The following FAXC variants were observed in gnomAD, a reference collection of about 807,000 sequenced individuals.
FAXC encodes the protein failed axon connections homolog.
A neutral mutation model predicts 41.9 loss-of-function variants in FAXC; 10 were observed. The observed-to-expected ratio is 0.24, with a 90% CI of 0.15 to 0.41. The LOEUF is 0.41. Among genes scored for constraint, FAXC ranks in the 10% least tolerant of loss-of-function variants. The pLI, the probability that FAXC is intolerant of heterozygous loss-of-function variation, is 1.00. For missense variants in FAXC, 399 were observed against 510.9 expected (o/e 0.78, Z 2.11); for synonymous variants, 183 against 183.8 (o/e 1.00, Z 0.03).
chr6:99,314,820 C>T (rs1417220838), intron 4 of FAXC, among the ~76,000 whole-genome samples: 1 of 152,142 alleles, frequency 6.6e-6, no homozygotes, highest in Non-Finnish European at 1.5e-5. Flanking sequence ...CATCTCAGGC[C>T]GTTTACATAT....
intron 4 of FAXC, among the ~76,000 whole-genome samples, chr6:99,308,744 T>C (rs1403488512): frequency 6.6e-6 from 1 of 152,210 alleles, no homozygotes; most frequent in Non-Finnish European, 1.5e-5. Context: ...GTTTAGTGTT[T>C]GCTTTTAAAA....
chr6:99,338,074 G>A (rs1773279915), intron 2 of FAXC, among the ~76,000 whole-genome samples: 1 of 152,096 alleles, frequency 6.6e-6, no homozygotes, highest in Admixed American at 6.6e-5. Context: ...TAAGGGAATG[G>A]GAATCAAGGT....
At chr6:99,282,459 A>G (rs1423171960) in intron 5 of FAXC, among the ~76,000 whole-genome samples, 2 of 152,210 alleles carry the variant, frequency 1.3e-5, no homozygotes, top group Non-Finnish European at 2.9e-5. Flanking sequence ...TTAAATTTTT[A>G]CATGAAATTG....
At chr6:99,315,665 C>A (rs1213590557) in intron 4 of FAXC, among the ~76,000 whole-genome samples, 1 of 152,188 alleles carries the variant, frequency 6.6e-6, no homozygotes, top group Non-Finnish European at 1.5e-5. Context: ...ACTTGCACAG[C>A]CCATTACTAT....
intron 5 of FAXC, among the ~76,000 whole-genome samples, chr6:99,287,145 G>C (rs1378440197): frequency 2.0e-5 from 3 of 152,108 alleles, no homozygotes; most frequent in Admixed American, 2.0e-4. Flanking sequence ...TATAGCCATA[G>C]GATAGGATAT....
At chr6:99,342,583 A>G (rs111829741) in intron 2 of FAXC, among the ~76,000 whole-genome samples, 1,812 of 152,262 alleles carry the variant, frequency 0.012, 32 homozygotes, top group African/African-American at 0.041. Context: ...ACCTCAAGTG[A>G]TCCGCCTGCC....
intron 3 of FAXC, among the ~76,000 whole-genome samples, chr6:99,327,689 A>T (rs1237581519): frequency 6.6e-6 from 1 of 152,078 alleles, no homozygotes; most frequent in Non-Finnish European, 1.5e-5. Flanking sequence ...ATATCCATGG[A>T]TACTATGTGG....
chr6:99,295,970 T>G (rs1177439384), intron 4 of FAXC, among the ~76,000 whole-genome samples: 2 of 152,368 alleles, frequency 1.3e-5, no homozygotes, highest in East Asian at 3.9e-4. Context: ...TGAGTTTCAA[T>G]TTCTCTCATT....
intron 3 of FAXC, among the ~76,000 whole-genome samples, chr6:99,326,755 T>C (rs1772820317): frequency 2.0e-5 from 3 of 152,200 alleles, no homozygotes; most frequent in Admixed American, 2.0e-4. Context: ...GGCATCTTTC[T>C]CTGCGCTTCA....
chr6:99,332,564 C>T (rs896615999), intron 3 of FAXC, among the ~76,000 whole-genome samples: 1 of 152,116 alleles, frequency 6.6e-6, no homozygotes, highest in Non-Finnish European at 1.5e-5. Context: ...TCACATGGTA[C>T]CACCGCCAGC....
At chr6:99,336,826 ACT>A (rs1343985805) in intron 2 of FAXC, among the ~76,000 whole-genome samples, 1 of 152,014 alleles carries the variant, frequency 6.6e-6, no homozygotes, top group African/African-American at 2.4e-5. Flanking sequence ...AGAACTTGAG[ACT>A]CTAAGAGAGA....
chr6:99,341,366 TA>T (rs1228779763), intron 2 of FAXC, among the ~76,000 whole-genome samples: 1 of 151,652 alleles, frequency 6.6e-6, no homozygotes, highest in Non-Finnish European at 1.5e-5. Flanking sequence ...AAGAGAGAAA[TA>T]AATACAAAAA....
At chr6:99,325,943 T>C (rs528999174) in intron 3 of FAXC, among the ~76,000 whole-genome samples, 1 of 152,250 alleles carries the variant, frequency 6.6e-6, no homozygotes, top group South Asian at 2.1e-4. Flanking sequence ...GCATAACTGA[T>C]CGAGCTCACC....
At position 99,349,669 on chromosome 6, in the gene FAXC, A is replaced by G. The variant is rs1283899755; in HGVS notation, c.-297T>C. The stretch of plus-strand genomic sequence containing the variant: ...CCGCTCTTTGTGTCGGCGCCTGGAG[A>G]AGGCCGCGTGATGTCATTGCTCCCC... On this transcript the variant is annotated 5_prime_UTR_variant, in exon 1 of 6. Coordinates refer to ENST00000389677, the MANE Select transcript of FAXC (RefSeq NM_032511.4). The G allele has an allele frequency of 1.3e-5, 2 of 151,770 alleles. No homozygotes were observed. Among genetic ancestry groups the G allele is most frequent in the Non-Finnish European group, 2.9e-5 (2 of 68,030 alleles). 9.4% of individuals were successfully genotyped at this position (151,770 alleles called of 1,614,324 possible).
chr6:99,308,247 A>C (rs2128455760), intron 4 of FAXC, among the ~76,000 whole-genome samples: 1 of 152,380 alleles, frequency 6.6e-6, no homozygotes, highest in South Asian at 2.1e-4. Context: ...CAGTGAGCCA[A>C]GGTTGTGCCA....
rs1298779933 is a variant in FAXC, at chr6:99,276,470, A to G, written c.*4694T>C. On this transcript the variant is annotated 3_prime_UTR_variant, in exon 6 of 6. Transcript: ENST00000389677. ...GGTGGTTAAAAGATAAATGACAAGG[A>G]CAACAACAAAATCCTATGACTTTCA... 2.0e-5 allele frequency: 3 copies of G among 152,210 alleles called. No homozygotes were observed. The highest frequency in any genetic ancestry group is 2.0e-4 in the Admixed American group (3 of 15,280). The allele number at this position is 152,210 out of a possible 1,614,324, so 9.4% of individuals were successfully genotyped here.
chr6:99,289,169 T>TC (rs1480113386), intron 5 of FAXC, among the ~76,000 whole-genome samples: 2 of 152,098 alleles, frequency 1.3e-5, no homozygotes, highest in Non-Finnish European at 2.9e-5. Flanking sequence ...TCAACCCTCC[T>TC]CCCCAAACCT....
Position 99,280,344 on chromosome 6 carries a change from GC to G in FAXC, c.*819del, listed in dbSNP as rs1770779516. ...TTTGCAGGTGACTGTGGTGGTGGTT[GC>G]CTGGATATGGAATTCCTTTGCCCTC... On this transcript the variant is annotated 3_prime_UTR_variant, in exon 6 of 6. Transcript: ENST00000389677. 6.6e-6 allele frequency: 1 copy of G among 152,236 alleles called. No individual in the cohort carries two copies. Among genetic ancestry groups the G allele is most frequent in the African/African-American group, 2.4e-5 (1 of 41,448 alleles). The allele number at this position is 152,236 out of a possible 1,614,324, so 9.4% of individuals were successfully genotyped here. A position where few individuals can be genotyped will look rare whatever the true frequency, so the allele number is the denominator to read the frequency against.
intron 2 of FAXC, among the ~76,000 whole-genome samples, chr6:99,341,421 C>T (rs771953861): frequency 7.9e-5 from 12 of 151,782 alleles, no homozygotes; most frequent in Admixed American, 1.3e-4. Context: ...GAAAGATATC[C>T]TAAGCAAATA....
Sources: allele counts gnomAD v4.1 joint callset (sites outside exome capture counted in the v4.1 genomes callset), GRCh38; gene constraint gnomAD v4.1.1; transcripts MANE v1.5; gene names NCBI Gene and HGNC (gene_info 2026-07-23, HGNC 2026-07-21).